TACC1: variants seen among roughly 807,000 people sequenced by gnomAD.
TACC1 encodes the protein transforming acidic coiled-coil-containing protein 1.
In TACC1, 48 loss-of-function variants were observed where a neutral mutation model predicts 84.4. That is an observed-to-expected ratio of 0.57 (90% CI 0.45 to 0.72). The LOEUF is 0.72. Ranked by LOEUF, TACC1 falls within the 30% of genes least tolerant of loss-of-function variation. The pLI is 0.00. For missense variants in TACC1, 920 were observed against 973.0 expected, an observed-to-expected ratio of 0.95 and a Z score of 0.72; for synonymous variants, 372 against 376.3, an observed-to-expected ratio of 0.99 and a Z score of 0.13.
chr8:38,729,014 C>A lies in TACC1; in HGVS notation c.-675+343C>A, dbSNP rs184552125. ...TCTTTTCTTTTCCCTTTGCTTCTCT[C>A]TTCTCTTCTTTTTTCTTTCCGCCCC... On this transcript the variant is annotated intron_variant, in intron 1 of 14. Transcript: ENST00000518415. 2.0e-5 allele frequency among the ~76,000 whole-genome samples: 3 copies of A among 152,172 alleles called. No individual in the cohort carries two copies. The East Asian group carries it at 5.8e-4, about 29-fold the overall frequency.
chr8:38,829,272 C>T (rs1478508819), intron 5 of TACC1, among the ~76,000 whole-genome samples: 1 of 152,228 alleles, frequency 6.6e-6, no homozygotes, highest in East Asian at 1.9e-4. Flanking sequence ...TTTATTCCCC[C>T]TGGCCTCCTT....
intron 3 of TACC1, chr8:38,823,903 G>T (rs1588015086): frequency 1.0e-6 from 1 of 974,096 alleles, no homozygotes; most frequent in East Asian, 5.0e-5. Context: ...ACATCTGCCA[G>T]ACTAGAGTTG....
chr8:38,842,234 G>T, intron 9 of TACC1, 53 bp from the exon 10 acceptor site: 1 of 1,577,348 alleles, frequency 6.3e-7, no homozygotes, highest in Non-Finnish European at 8.6e-7. Context: ...GTCTTCTAAG[G>T]AGTGTCTATT....
chr8:38,776,884 C>T (rs1036853233), intron 3 of TACC1, among the ~76,000 whole-genome samples: 14 of 152,068 alleles, frequency 9.2e-5, no homozygotes, highest in Admixed American at 1.3e-4. Context: ...GCTGAAATCC[C>T]CCAGAGGAGG....
At chr8:38,752,461 ACT>A (rs1809219987) in intron 3 of TACC1, among the ~76,000 whole-genome samples, 1 of 152,110 alleles carries the variant, frequency 6.6e-6, no homozygotes, top group Non-Finnish European at 1.5e-5. Flanking sequence ...ACAGAGCGAG[ACT>A]CTGTCTCAAA....
intron 3 of TACC1, chr8:38,824,799 T>C (rs1389269002): frequency 6.5e-6 from 1 of 153,790 alleles, no homozygotes; most frequent in East Asian, 1.9e-4. Context: ...TTTTATACTT[T>C]TTATTGATGA....
chr8:38,742,434 A>G (rs1194242715), exon 2 of TACC1: 1 of 1,530,290 alleles, frequency 6.5e-7, no homozygotes, highest in Non-Finnish European at 8.7e-7. Context: ...GATCAAATGC[A>G]AAGACAAACC....
chr8:38,765,813 A>C (rs1181163266), intron 3 of TACC1, among the ~76,000 whole-genome samples: 1 of 152,286 alleles, frequency 6.6e-6, no homozygotes, highest in Middle Eastern at 3.4e-3. Context: ...TGACCTTGTG[A>C]ATGGAGGGGG....
intron 3 of TACC1, among the ~76,000 whole-genome samples, chr8:38,780,960 CAT>C (rs1195343235): frequency 3.3e-5 from 5 of 152,300 alleles, no homozygotes; most frequent in African/African-American, 9.6e-5. Context: ...GTCACAAACA[CAT>C]GAGTTACTGT....
chr8:38,812,409 G>T (rs564743323), intron 2 of TACC1, among the ~76,000 whole-genome samples: 2 of 152,224 alleles, frequency 1.3e-5, no homozygotes, highest in South Asian at 4.1e-4. Context: ...CGGCCCAGCT[G>T]TAAAATTCCT....
chr8:38,739,260 A>G (rs779878566), intron 1 of TACC1, among the ~76,000 whole-genome samples: 4 of 152,180 alleles, frequency 2.6e-5, no homozygotes, highest in African/African-American at 4.8e-5. Flanking sequence ...ACTCTAATTC[A>G]TTGTCATATG....
At chr8:38,730,974 T>A (rs967827228) in intron 1 of TACC1, among the ~76,000 whole-genome samples, 3 of 152,120 alleles carry the variant, frequency 2.0e-5, no homozygotes, top group African/African-American at 7.2e-5. Context: ...CAGGCTGGAG[T>A]GCAGTGGTAC....
chr8:38,836,131 G>T, intron 6 of TACC1, 31 bp from the exon 7 acceptor site: 1 of 1,610,544 alleles, frequency 6.2e-7, no homozygotes, highest in South Asian at 1.1e-5. Flanking sequence ...GCTGAAAGCT[G>T]ACAGATTCAG....
intron 1 of TACC1, among the ~76,000 whole-genome samples, chr8:38,740,847 G>A (rs1806919013): frequency 2.6e-5 from 4 of 152,148 alleles, no homozygotes; most frequent in Admixed American, 2.6e-4. Context: ...CAGACCTCTT[G>A]GAGAAAGCAT....
At position 38,787,295 on chromosome 8, in the gene TACC1, G is replaced by T. The variant is rs1817447838; in HGVS notation, c.-288G>T. On this transcript the variant is annotated 5_prime_UTR_variant, in exon 1 of 13. Transcript: ENST00000317827. ...CTAGCAGCCGGGCGCCGCGGGCCGG[G>T]GGCCTGAGGAGGCCACAGGACGGGC... 8.8e-7 allele frequency: 1 copy of T among 1,133,840 alleles called. No individual in the cohort carries two copies. The highest frequency in any genetic ancestry group is 1.1e-6 in the Non-Finnish European group (1 of 924,954). The allele number at this position is 1,133,840 out of a possible 1,614,324, so 70.2% of individuals were successfully genotyped here. A position where few individuals can be genotyped will look rare whatever the true frequency, so the allele number is the denominator to read the frequency against.
chr8:38,839,834 G>A (rs1214985880), intron 8 of TACC1: 1 of 163,382 alleles, frequency 6.1e-6, no homozygotes, highest in African/African-American at 2.4e-5. Flanking sequence ...ACTCAGGAAA[G>A]TCTAAAGTCA....
At chr8:38,789,461 T>G (rs1444385610) in intron 2 of TACC1, among the ~76,000 whole-genome samples, 1 of 152,164 alleles carries the variant, frequency 6.6e-6, no homozygotes, top group Non-Finnish European at 1.5e-5. Flanking sequence ...ATTTACTAAA[T>G]AGAGTGCACT....
At chr8:38,825,857 A>G (rs1827919611) in intron 4 of TACC1, among the ~76,000 whole-genome samples, 1 of 152,196 alleles carries the variant, frequency 6.6e-6, no homozygotes, top group Non-Finnish European at 1.5e-5. Context: ...ATTGAAAGGC[A>G]CTTATGTTAC....
At chr8:38,747,075 A>T (rs1243918366) in intron 3 of TACC1, among the ~76,000 whole-genome samples, 1 of 152,232 alleles carries the variant, frequency 6.6e-6, no homozygotes, top group Non-Finnish European at 1.5e-5. Flanking sequence ...CAAAGAAGAT[A>T]CACAGATGCC....
Sources: gnomAD v4.1 joint callset for allele counts (sites outside exome capture counted in the v4.1 genomes callset) on GRCh38, gnomAD v4.1.1 for gene constraint, MANE v1.5 for transcripts, NCBI Gene and HGNC (gene_info 2026-07-23, HGNC 2026-07-21) for gene names.